Variants in ITGA8 observed in about 807,000 individuals in gnomAD.
ITGA8 encodes the protein integrin subunit alpha 8.
Under a neutral mutation model 142.3 loss-of-function variants are expected in ITGA8, and 91 were observed. The ratio of observed to expected loss-of-function variants is 0.64; its 90% CI spans 0.54 to 0.76. The LOEUF (loss-of-function observed/expected upper bound fraction) is 0.76, where lower values mean the gene tolerates loss of function less well. Ranked by LOEUF, ITGA8 falls within the 30% of genes least tolerant of loss-of-function variation. The pLI is 0.00. For missense variants in ITGA8, 1,406 were observed against 1,327.7 expected, an observed-to-expected ratio of 1.06 and a Z score of -0.92; for synonymous variants, 505 against 485.2, an observed-to-expected ratio of 1.04 and a Z score of -0.54.
At chr10:15,672,963 A>G (rs1319213657) in intron 6 of ITGA8, among the ~76,000 whole-genome samples, 3 of 152,168 alleles carry the variant, frequency 2.0e-5, no homozygotes, top group South Asian at 2.1e-4. Flanking sequence ...ACAATATTTT[A>G]TTGGTCTTCC....
intron 27 of ITGA8, among the ~76,000 whole-genome samples, chr10:15,537,092 A>G (rs7896537): frequency 0.2 from 30,117 of 152,134 alleles, 4,029 homozygotes; most frequent in African/African-American, 0.38. Context: ...ACCATTTAGG[A>G]TTAACCTACA....
At position 15,683,900 on chromosome 10, in the gene ITGA8, C is replaced by T. The variant is rs549479575; in HGVS notation, c.568+104G>A. 4.8e-5 allele frequency: 67 copies of T among 1,386,886 alleles called. No individual in the cohort carries two copies. The African/African-American group carries it at 8.4e-4, about 17-fold the overall frequency. The allele number at this position is 1,386,886 out of a possible 1,614,324, so 85.9% of individuals were successfully genotyped here. On this transcript the variant is annotated intron_variant, in intron 4 of 29. Coordinates refer to ENST00000378076, the MANE Select transcript of ITGA8 (RefSeq NM_003638.3). ...ACCTACCCCCGAAGCTTTTTCCTTG[C>T]AACCCTGTAAGTTATCAATGGTGTT...
chr10:15,597,043 T>C, intron 21 of ITGA8, 164 bp downstream of exon 21: 2 of 617,030 alleles, frequency 3.2e-6, no homozygotes, highest in South Asian at 4.0e-5. Context: ...CGATTCACTC[T>C]GTGTAGGTTA....
chr10:15,602,470 G>C lies in ITGA8; in HGVS notation c.2118+1738C>G, dbSNP rs45513599. 1.1e-3 allele frequency among the ~76,000 whole-genome samples: 165 copies of C among 152,244 alleles called. 2 individuals are homozygous for C. Among genetic ancestry groups the C allele is most frequent in the Admixed American group, 1.7e-3 (26 of 15,292 alleles). On this transcript the variant is annotated intron_variant, in intron 20 of 29. Transcript: ENST00000378076. ...TCACATAATTGGCGGGGCAAGGATGGCTCGTGCCTATAATATCAGCGCTTT... is the reference window on the plus strand; with the variant it reads ...TCACATAATTGGCGGGGCAAGGATGCCTCGTGCCTATAATATCAGCGCTTT...
intron 2 of ITGA8, among the ~76,000 whole-genome samples, 192 bp from the exon 3 acceptor site, chr10:15,688,230 C>T (rs543848042): frequency 8.2e-5 from 12 of 146,724 alleles, no homozygotes; most frequent in East Asian, 8.0e-4. Context: ...TGAAGCGGGA[C>T]GATCACTTGA....
chr10:15,690,547 A>G (rs1834915247), intron 2 of ITGA8, among the ~76,000 whole-genome samples: 1 of 152,176 alleles, frequency 6.6e-6, no homozygotes, highest in African/African-American at 2.4e-5. Flanking sequence ...CAGTAGTTCA[A>G]AAACAGGACC....
intron 10 of ITGA8, among the ~76,000 whole-genome samples, 169 bp downstream of exon 10, chr10:15,658,830 G>A (rs2131669245): frequency 6.6e-6 from 1 of 152,286 alleles, no homozygotes; most frequent in Admixed American, 6.5e-5. Flanking sequence ...AGAGCTGGAT[G>A]GGATCTGTCT....
At chr10:15,719,330 C>A (rs1214113402) in intron 1 of ITGA8, among the ~76,000 whole-genome samples, 14 of 152,234 alleles carry the variant, frequency 9.2e-5, no homozygotes, top group Non-Finnish European at 2.1e-4. Context: ...GTACCTGGAA[C>A]ACCCAGGACT....
At chr10:15,623,684 TCAATAA>T (rs2131626405) in intron 13 of ITGA8, among the ~76,000 whole-genome samples, 1 of 152,124 alleles carries the variant, frequency 6.6e-6, no homozygotes, top group East Asian at 1.9e-4. Context: ...AGACTCCATC[TCAATAA>T]ATAAATAGAT....
intron 15 of ITGA8, among the ~76,000 whole-genome samples, chr10:15,608,719 G>A (rs190910948): frequency 2.9e-4 from 44 of 152,192 alleles, no homozygotes; most frequent in African/African-American, 1.0e-3. Context: ...CAGTGTAGTC[G>A]GGGCACTGAG....
chr10:15,576,628 T>G (rs1158218164), intron 23 of ITGA8, among the ~76,000 whole-genome samples: 1 of 152,126 alleles, frequency 6.6e-6, no homozygotes, highest in African/African-American at 2.4e-5. Flanking sequence ...TTAGCAAAAT[T>G]TATTGGGTTA....
At position 15,697,510 on chromosome 10, in the gene ITGA8, A is replaced by G. The variant is rs369212885; in HGVS notation, c.344-9472T>C. ...TGAAAAATAATGTCATGAATAATAC[A>G]GGGCTGTGGTCTACAGTGCTTTTCC... On this transcript the variant is annotated intron_variant, in intron 2 of 29. Transcript: ENST00000378076. 8.5e-5 allele frequency among the ~76,000 whole-genome samples: 13 copies of G among 152,324 alleles called. No homozygotes were observed. In the East Asian group the frequency reaches 2.1e-3, roughly 25 times the overall value.
At chr10:15,604,578 C>CAAA (rs35672275) in intron 19 of ITGA8, among the ~76,000 whole-genome samples, 15 of 86,326 alleles carry the variant, frequency 1.7e-4, no homozygotes, top group Admixed American at 3.8e-4. Flanking sequence ...AACCAGTTCT[C>CAAA]AAAAAAAAAA....
At chr10:15,617,155 G>T (rs1283274737) in intron 13 of ITGA8, among the ~76,000 whole-genome samples, 1 of 152,194 alleles carries the variant, frequency 6.6e-6, no homozygotes, top group Non-Finnish European at 1.5e-5. Flanking sequence ...CTATATGCCA[G>T]GAGGCCTTTT....
chr10:15,712,032 C>A (rs778651009), intron 2 of ITGA8, among the ~76,000 whole-genome samples: 2 of 152,166 alleles, frequency 1.3e-5, no homozygotes, highest in Non-Finnish European at 2.9e-5. Flanking sequence ...CACTTAGTCA[C>A]AATTAGCTTG....
At position 15,634,987 on chromosome 10, in the gene ITGA8, T is replaced by TTTTC. The variant is rs1367265193; in HGVS notation, c.1399+9039_1399+9042dup. On this transcript the variant is annotated intron_variant, in intron 13 of 29. Coordinates refer to ENST00000378076, the MANE Select transcript of ITGA8 (RefSeq NM_003638.3). ...AGAAAAAATAATTTCACTAAATATT[T>TTTTC]TTTCTTTCTTTCTTTCTTTTTTTTT... 1.8e-3 allele frequency among the ~76,000 whole-genome samples: 273 copies of TTTTC among 151,362 alleles called. 2 individuals carry two copies. Among genetic ancestry groups the TTTTC allele is most frequent in the African/African-American group, 5.9e-3 (241 of 41,162 alleles).
chr10:15,636,799 C>A (rs553243112), intron 13 of ITGA8, among the ~76,000 whole-genome samples: 79 of 152,292 alleles, frequency 5.2e-4, no homozygotes, highest in Admixed American at 2.0e-3. Context: ...GGCTAAGGGG[C>A]AGCGAGGGAG....
At chr10:15,572,577 C>T (rs1382450575) in intron 24 of ITGA8, among the ~76,000 whole-genome samples, 5 of 152,204 alleles carry the variant, frequency 3.3e-5, no homozygotes, top group Admixed American at 2.6e-4. Context: ...GAAAACTCTT[C>T]AATCTGTGAA....
Position 15,583,094 on chromosome 10 carries a change from G to T in ITGA8, c.2372+3490C>A, listed in dbSNP as rs182952633. Among the ~76,000 whole-genome samples the T allele has an allele frequency of 6.5e-3, 994 of 152,272 alleles. 6 individuals are homozygous for T. Among genetic ancestry groups the T allele is most frequent in the African/African-American group, 0.022 (894 of 41,518 alleles). On this transcript the variant is annotated intron_variant, in intron 23 of 29. Transcript: ENST00000378076. ...TCAGCAGTAAAAAGAAACCATCATA[G>T]CAAAGACTTGGAACCAACTGAAATG... is the stretch of plus-strand genomic sequence containing the variant.
Sources: allele counts gnomAD v4.1 joint callset (sites outside exome capture counted in the v4.1 genomes callset), GRCh38; gene constraint gnomAD v4.1.1; transcripts MANE v1.5; gene names NCBI Gene and HGNC (gene_info 2026-07-23, HGNC 2026-07-21).